BRINP3: variants seen among roughly 807,000 people sequenced by gnomAD.
The protein encoded by BRINP3 is BMP/retinoic acid inducible neural specific 3.
Under a neutral mutation model 71.0 loss-of-function variants are expected in BRINP3, and 19 were observed. That is an observed-to-expected ratio of 0.27 (90% CI 0.19 to 0.39). The LOEUF (loss-of-function observed/expected upper bound fraction) is 0.39. Among genes scored for constraint, BRINP3 ranks in the 10% least tolerant of loss-of-function variants. BRINP3 has a pLI of 1.00. For missense variants in BRINP3, 959 were observed against 940.8 expected, an observed-to-expected ratio of 1.02 and a Z score of -0.25; for synonymous variants, 380 against 337.7, an observed-to-expected ratio of 1.13 and a Z score of -1.37.
At chr1:190,342,807 A>G (rs1667751118) in intron 2 of BRINP3, 1 of 151,844 alleles carries the variant, frequency 6.6e-6, no homozygotes, top group Non-Finnish European at 1.5e-5. Context: ...GTACATTTTT[A>G]GGAAAAAAAT....
In BRINP3 at chr1:190,298,691, C is replaced by T. The variant is rs1664438852; in HGVS notation, c.237-16941G>A. Among the ~76,000 whole-genome samples the T allele has an allele frequency of 2.6e-5, 4 of 151,974 alleles. No homozygotes were observed. In the South Asian group the frequency reaches 8.3e-4, roughly 31 times the overall value. Reference sequence around the variant, plus strand: ...GCTTGAATTATGGTCATAGAATATACTCTGTGTGATCATTATTAGTTGAGA... The same window carrying T: ...GCTTGAATTATGGTCATAGAATATATTCTGTGTGATCATTATTAGTTGAGA... On this transcript the variant is annotated intron_variant, in intron 2 of 7. Transcript: ENST00000367462.
At chr1:190,408,173 C>T (rs1196981706) in intron 2 of BRINP3, among the ~76,000 whole-genome samples, 1 of 149,140 alleles carries the variant, frequency 6.7e-6, no homozygotes, top group Non-Finnish European at 1.5e-5. Context: ...AGGCGCCCGC[C>T]ACCACGCCTG....
intron 2 of BRINP3, among the ~76,000 whole-genome samples, chr1:190,337,251 T>C (rs1322580359): frequency 1.3e-5 from 2 of 152,090 alleles, no homozygotes; most frequent in Non-Finnish European, 2.9e-5. Context: ...CAGTTCCCTA[T>C]GCTTTGTTAG....
At chr1:190,335,056 C>T (rs778955246) in intron 2 of BRINP3, among the ~76,000 whole-genome samples, 15 of 151,694 alleles carry the variant, frequency 9.9e-5, no homozygotes, top group Non-Finnish European at 1.9e-4. Context: ...ATTGCTTTTT[C>T]CCTTCATTTC....
chr1:190,139,391 G>T (rs1329278826), intron 7 of BRINP3, among the ~76,000 whole-genome samples: 2 of 146,480 alleles, frequency 1.4e-5, no homozygotes, highest in Non-Finnish European at 3.0e-5. Context: ...AGCAAAGGTT[G>T]CAGTGAGACA....
At chr1:190,178,164 T>G (rs1652716922) in intron 6 of BRINP3, among the ~76,000 whole-genome samples, 1 of 152,154 alleles carries the variant, frequency 6.6e-6, no homozygotes, top group African/African-American at 2.4e-5. Context: ...AAAGATGAAA[T>G]ATTATAAATT....
intron 2 of BRINP3, among the ~76,000 whole-genome samples, chr1:190,379,350 T>C (rs1271006190): frequency 1.3e-5 from 2 of 152,146 alleles, no homozygotes; most frequent in African/African-American, 4.8e-5. Context: ...ATTTACATTC[T>C]ACTGAGGAAG....
At chr1:190,179,466 G>T (rs1202743071) in intron 6 of BRINP3, among the ~76,000 whole-genome samples, 1 of 152,058 alleles carries the variant, frequency 6.6e-6, no homozygotes, top group Non-Finnish European at 1.5e-5. Context: ...TCTTAAATGT[G>T]ATATTCCCAA....
chr1:190,146,442 C>T (rs1176614573), intron 7 of BRINP3, among the ~76,000 whole-genome samples: 1 of 152,066 alleles, frequency 6.6e-6, no homozygotes, highest in Non-Finnish European at 1.5e-5. Flanking sequence ...GTAGCATTTT[C>T]CATACTATTT....
At chr1:190,178,526 T>C (rs1010890070) in intron 6 of BRINP3, among the ~76,000 whole-genome samples, 26 of 151,990 alleles carry the variant, frequency 1.7e-4, no homozygotes, top group Non-Finnish European at 2.9e-4. Flanking sequence ...TCTAGAAGAG[T>C]AGAGAAAGCT....
chr1:190,445,431 A>G (rs575840524), intron 2 of BRINP3, among the ~76,000 whole-genome samples: 18 of 152,306 alleles, frequency 1.2e-4, no homozygotes, highest in South Asian at 4.1e-4. Context: ...ATTTTTATAT[A>G]AAAGCAGAAA....
At chr1:190,281,783 C>T (rs1214233093) in intron 2 of BRINP3, 33 bp from the exon 3 acceptor site, 1 of 1,578,652 alleles carries the variant, frequency 6.3e-7, no homozygotes, top group Non-Finnish European at 8.6e-7. Flanking sequence ...TTCATAAATG[C>T]ATAATCTATC....
intron 2 of BRINP3, among the ~76,000 whole-genome samples, chr1:190,437,599 C>G (rs1674549627): frequency 6.6e-6 from 1 of 151,750 alleles, no homozygotes; most frequent in South Asian, 2.1e-4. Flanking sequence ...TGGTAATACA[C>G]TCACGTGCAG....
chr1:190,275,362 T>C (rs964751988), intron 3 of BRINP3, among the ~76,000 whole-genome samples: 1 of 151,632 alleles, frequency 6.6e-6, no homozygotes, highest in African/African-American at 2.4e-5. Flanking sequence ...TTAAACAGTG[T>C]TGTCTTAACT....
At chr1:190,300,617 C>A (rs1214832854) in intron 2 of BRINP3, among the ~76,000 whole-genome samples, 4 of 152,066 alleles carry the variant, frequency 2.6e-5, no homozygotes, top group Non-Finnish European at 5.9e-5. Flanking sequence ...GGGTACCTGA[C>A]CTCTGACCCC....
intron 2 of BRINP3, among the ~76,000 whole-genome samples, chr1:190,450,205 C>A (rs1188637393): frequency 6.6e-6 from 1 of 152,220 alleles, no homozygotes; most frequent in South Asian, 2.1e-4. Flanking sequence ...CTATTAGGAT[C>A]CAACTCTGGG....
intron 2 of BRINP3, among the ~76,000 whole-genome samples, chr1:190,379,796 G>A (rs1297590113): frequency 1.3e-5 from 2 of 151,832 alleles, no homozygotes; most frequent in African/African-American, 2.4e-5. Flanking sequence ...TCAGGAGTCC[G>A]AGACCAGCCT....
At chr1:190,308,577 G>A (rs918738270) in intron 2 of BRINP3, among the ~76,000 whole-genome samples, 4 of 151,860 alleles carry the variant, frequency 2.6e-5, no homozygotes, top group East Asian at 2.0e-4. Flanking sequence ...CACCAGCATA[G>A]CACATGTATA....
intron 1 of BRINP3, among the ~76,000 whole-genome samples, chr1:190,470,047 A>G (rs1314789356): frequency 1.3e-5 from 2 of 151,120 alleles, no homozygotes; most frequent in African/African-American, 2.4e-5. Flanking sequence ...TTGTAGTTAT[A>G]TACTGGCCAC....
Sources: allele counts gnomAD v4.1 joint callset (sites outside exome capture counted in the v4.1 genomes callset), GRCh38; gene constraint gnomAD v4.1.1; transcripts MANE v1.5; gene names NCBI Gene and HGNC (gene_info 2026-07-23, HGNC 2026-07-21).